PLXNA4: variants seen among roughly 807,000 people sequenced by gnomAD.
PLXNA4 encodes plexin A4, also known as plexin-A4.
In PLXNA4, 44 loss-of-function variants were observed where a neutral mutation model predicts 191.8. The ratio of observed to expected loss-of-function variants is 0.23; its 90% CI spans 0.18 to 0.29. The LOEUF (loss-of-function observed/expected upper bound fraction) is 0.29, where lower values mean the gene tolerates loss of function less well. Ranked by LOEUF, PLXNA4 falls within the 10% of genes least tolerant of loss-of-function variation. PLXNA4 has a pLI of 1.00. For synonymous variants in PLXNA4, 1,082 were observed against 1,009.5 expected (o/e 1.07, Z -1.36); for missense variants, 1,800 against 2,488.8 (o/e 0.72, Z 5.89).
intron 1 of PLXNA4, among the ~76,000 whole-genome samples, chr7:132,517,409 G>T (rs780969513): frequency 6.6e-6 from 1 of 152,190 alleles, no homozygotes; most frequent in African/African-American, 2.4e-5. Context: ...GGATGGTGGA[G>T]CCTCAAGATG....
At chr7:132,312,858 A>G (rs1256764215) in intron 3 of PLXNA4, among the ~76,000 whole-genome samples, 2 of 152,232 alleles carry the variant, frequency 1.3e-5, no homozygotes, top group African/African-American at 4.8e-5. Flanking sequence ...AATCACAGCT[A>G]AACTACAGTT....
chr7:132,472,311 C>T (rs917369643), intron 3 of PLXNA4, among the ~76,000 whole-genome samples: 1 of 152,174 alleles, frequency 6.6e-6, no homozygotes, highest in African/African-American at 2.4e-5. Context: ...TTGGATTTGG[C>T]TTGTTTCTTA....
intron 2 of PLXNA4, among the ~76,000 whole-genome samples, chr7:132,597,576 TATTC>T (rs10573562): frequency 0.8 from 119,815 of 149,886 alleles, 49,210 homozygotes; most frequent in East Asian, 1. Context: ...TCTCTCCTTT[TATTC>T]ATTCATTCAT....
chr7:132,232,846 C>G (rs1195838711), intron 5 of PLXNA4, among the ~76,000 whole-genome samples: 2 of 152,172 alleles, frequency 1.3e-5, no homozygotes, highest in Non-Finnish European at 2.9e-5. Context: ...CCCGGTGCCG[C>G]TGGCCAGGCA....
At chr7:132,609,896 T>C (rs1226834070) in intron 2 of PLXNA4, among the ~76,000 whole-genome samples, 1 of 152,178 alleles carries the variant, frequency 6.6e-6, no homozygotes, top group African/African-American at 2.4e-5. Flanking sequence ...ATTTACCTTA[T>C]ATGGTGAAAA....
At chr7:132,410,294 A>G (rs1794400388) in intron 3 of PLXNA4, among the ~76,000 whole-genome samples, 1 of 151,982 alleles carries the variant, frequency 6.6e-6, no homozygotes, top group South Asian at 2.1e-4. Context: ...TCCCAGAAGC[A>G]GCACAGTGCC....
chr7:132,427,950 G>A (rs921245715), intron 3 of PLXNA4, among the ~76,000 whole-genome samples: 3 of 152,342 alleles, frequency 2.0e-5, no homozygotes, highest in South Asian at 4.1e-4. Flanking sequence ...GGCAAGGTGG[G>A]CATCCCCTCC....
At chr7:132,226,510 A>G (rs747857881) in intron 7 of PLXNA4, among the ~76,000 whole-genome samples, 7 of 152,272 alleles carry the variant, frequency 4.6e-5, no homozygotes, top group Non-Finnish European at 8.8e-5. Flanking sequence ...GCACACTGCC[A>G]GGGATTCAAA....
intron 1 of PLXNA4, among the ~76,000 whole-genome samples, chr7:132,562,956 T>TCCCTCCTCCTCCTCC (rs1801334707): frequency 2.6e-4 from 3 of 11,600 alleles, no homozygotes; most frequent in Non-Finnish European, 5.9e-4. Context: ...CCTCCTCCTC[T>TCCCTCCTCCTCCTCC]CCCTCCTCCT....
At chr7:132,423,458 A>G (rs890914393) in intron 3 of PLXNA4, among the ~76,000 whole-genome samples, 1 of 152,126 alleles carries the variant, frequency 6.6e-6, no homozygotes, top group Non-Finnish European at 1.5e-5. Context: ...CCCTCTTCCC[A>G]TTTTGCTGAT....
At chr7:132,177,958 T>A (rs560595300) in intron 20 of PLXNA4, among the ~76,000 whole-genome samples, 1 of 152,262 alleles carries the variant, frequency 6.6e-6, no homozygotes, top group African/African-American at 2.4e-5. Flanking sequence ...GGGGCCGGAT[T>A]TACTCCATGT....
chr7:132,553,811 G>A (rs1232532968), intron 1 of PLXNA4, among the ~76,000 whole-genome samples: 1 of 152,164 alleles, frequency 6.6e-6, no homozygotes, highest in Admixed American at 6.5e-5. Flanking sequence ...GAATTAGGGA[G>A]TGCTGTCCTC....
chr7:132,480,639 G>A (rs777488747), intron 3 of PLXNA4, among the ~76,000 whole-genome samples: 20 of 151,998 alleles, frequency 1.3e-4, no homozygotes, highest in East Asian at 5.8e-4. Context: ...GGACAATTCC[G>A]GTGAGAAACC....
rs570370143 is a variant in PLXNA4 at position 132,287,854 on chromosome 7, A to G, written c.1503+10237T>C. Among the ~76,000 whole-genome samples the G allele has an allele frequency of 2.6e-4, 39 of 152,294 alleles. No homozygotes were observed. The South Asian group carries it at 6.2e-3, about 24-fold the overall frequency. On this transcript the variant is annotated intron_variant, in intron 4 of 31. Transcript: ENST00000321063. ...TTGTCCCACCTTGTGTCAGGCTACA[A>G]CAAAGGAGAAGTAAACCAAGGGACC...
intron 3 of PLXNA4, among the ~76,000 whole-genome samples, chr7:132,446,236 G>A (rs1308357071): frequency 6.6e-6 from 1 of 152,164 alleles, no homozygotes; most frequent in Non-Finnish European, 1.5e-5. Flanking sequence ...ATCCCCACTA[G>A]TAAAGGTTAG....
chr7:132,481,656 T>G (rs942510001), intron 3 of PLXNA4, among the ~76,000 whole-genome samples: 2 of 152,100 alleles, frequency 1.3e-5, no homozygotes, highest in Non-Finnish European at 2.9e-5. Flanking sequence ...CCCCAAACAC[T>G]AAGGAAACGA....
rs1011373720 is a variant in PLXNA4, at chr7:132,384,800, C to A, written c.1372-86578G>T. The A allele has an allele frequency of 3.6e-6, 4 of 1,118,602 alleles. No individual in the cohort carries two copies. In the African/African-American group the frequency reaches 6.9e-5, roughly 19 times the overall value. 69.3% of individuals were successfully genotyped at this position (1,118,602 alleles called of 1,614,324 possible). On this transcript the variant is annotated intron_variant, in intron 3 of 31. Transcript: ENST00000321063. Reference sequence around the variant, plus strand: ...CACACACACACACACACTGGCCAGGCGACTTGGCTGCAGAAGTGGACAGAT... The same window carrying A: ...CACACACACACACACACTGGCCAGGAGACTTGGCTGCAGAAGTGGACAGAT...
rs534579389 is a variant in PLXNA4 at position 132,462,608 on chromosome 7, A to T, written c.1371+26684T>A. ...TATCTTCTTTTATTTAAAAAAAAAT[A>T]ATTATTATTATTTTGTACAGACAGG... On this transcript the variant is annotated intron_variant, in intron 3 of 31. Transcript: ENST00000321063. Among the ~76,000 whole-genome samples the T allele has an allele frequency of 5.2e-3, 791 of 152,018 alleles. 9 individuals are homozygous for T. Among genetic ancestry groups the T allele is most frequent in the African/African-American group, 0.018 (748 of 41,456 alleles).
At chr7:132,207,177 A>G (rs542420541) in intron 10 of PLXNA4, among the ~76,000 whole-genome samples, 1 of 152,336 alleles carries the variant, frequency 6.6e-6, no homozygotes, top group South Asian at 2.1e-4. Context: ...GTCCATCTCT[A>G]GTCCAGAGGG....
Sources: allele counts gnomAD v4.1 joint callset (sites outside exome capture counted in the v4.1 genomes callset), GRCh38; gene constraint gnomAD v4.1.1; transcripts MANE v1.5; gene names NCBI Gene and HGNC (gene_info 2026-07-23, HGNC 2026-07-21).